Variants in PRKAR1B observed in about 807,000 individuals in gnomAD.
PRKAR1B encodes protein kinase cAMP-dependent type I regulatory subunit beta.
Under a neutral mutation model 46.5 loss-of-function variants are expected in PRKAR1B, and 22 were observed. That is an observed-to-expected ratio of 0.47 (90% CI 0.34 to 0.68). The LOEUF (loss-of-function observed/expected upper bound fraction) is 0.68. PRKAR1B is among the 30% of genes least tolerant of loss of function. The pLI is 0.01. For missense variants in PRKAR1B, 445 were observed against 535.6 expected (o/e 0.83, Z 1.67); for synonymous variants, 259 against 217.7 (o/e 1.19, Z -1.67).
At chr7:710,810 A>C (rs186528965) in intron 2 of PRKAR1B, among the ~76,000 whole-genome samples, 121 of 151,848 alleles carry the variant, frequency 8.0e-4, no homozygotes, top group Admixed American at 2.2e-3. Flanking sequence ...CACCCAACTA[A>C]TTTTTGTATT....
In PRKAR1B at chr7:577,222, A is replaced by G. The variant is rs902272685; in HGVS notation, c.891+2034T>C. Among the ~76,000 whole-genome samples, 12 of 152,238 alleles carry G rather than the reference A, an allele frequency of 7.9e-5. 1 individual carries two copies. Among genetic ancestry groups the G allele is most frequent in the Admixed American group, 7.2e-4 (11 of 15,284 alleles). ...CCCGAATTTGCCGAAGTTGCCAAAC[A>G]TCCACTGGGACTTGAGCTCTTTGCT... On this transcript the variant is annotated intron_variant, in intron 9 of 10. Coordinates refer to ENST00000537384, the MANE Select transcript of PRKAR1B (RefSeq NM_001164760.2).
In PRKAR1B at chr7:611,154, G is replaced by A. The variant is rs552471323; in HGVS notation, c.441-3702C>T. ...ACCCAAGGTCAAGAAGCCAGGAAGA[G>A]GTGAAGTCAGGCTGAAGCCCCTATC... On this transcript the variant is annotated intron_variant, in intron 4 of 10. Coordinates refer to ENST00000537384, the MANE Select transcript of PRKAR1B (RefSeq NM_001164760.2). 1.4e-4 allele frequency among the ~76,000 whole-genome samples: 22 copies of A among 152,380 alleles called. No homozygotes were observed. In the East Asian group the frequency reaches 2.3e-3, roughly 16 times the overall value.
At chr7:673,648 C>CAA (rs35930924) in intron 4 of PRKAR1B, among the ~76,000 whole-genome samples, 11 of 131,570 alleles carry the variant, frequency 8.4e-5, no homozygotes, top group African/African-American at 2.2e-4. Context: ...GACTCCATCT[C>CAA]AAAAAAAAAA....
chr7:621,955 T>C (rs1290342464), intron 4 of PRKAR1B, among the ~76,000 whole-genome samples: 2 of 152,142 alleles, frequency 1.3e-5, no homozygotes, highest in Non-Finnish European at 1.5e-5. Context: ...GCTAGAAGGG[T>C]CACACATGTC....
chr7:567,433 TCATCATCACCATCACCTC>T (rs1175145548), intron 9 of PRKAR1B, among the ~76,000 whole-genome samples: 1 of 110,328 alleles, frequency 9.1e-6, no homozygotes, highest in Non-Finnish European at 2.1e-5. Flanking sequence ...ATCATCACCA[TCATCATCACCATCACCTC>T]CATCATCACT....
rs527798633 is a variant in PRKAR1B at position 578,471 on chromosome 7, G to A, written c.891+785C>T. ...TTAAACTTTTAATTTTGCCATCATC[G>A]TACATTTGAGTGCGGTTGTTAGAAA... On this transcript the variant is annotated intron_variant, in intron 9 of 10. Coordinates refer to ENST00000537384, the MANE Select transcript of PRKAR1B (RefSeq NM_001164760.2). Among the ~76,000 whole-genome samples the A allele has an allele frequency of 2.5e-4, 38 of 152,240 alleles. No individual in the cohort carries two copies. In the South Asian group the frequency reaches 7.5e-3, roughly 30 times the overall value.
chr7:618,029 C>T (rs1164111304), intron 4 of PRKAR1B, among the ~76,000 whole-genome samples: 2 of 151,910 alleles, frequency 1.3e-5, no homozygotes, highest in African/African-American at 2.4e-5. Context: ...CCGCCTGGGA[C>T]CCCCTCACCG....
intron 9 of PRKAR1B, chr7:565,488 C>T (rs1006381157): frequency 1.3e-5 from 2 of 152,280 alleles, no homozygotes; most frequent in African/African-American, 4.8e-5. Context: ...GCTCCTTGGA[C>T]ACTGCCCATC....
At chr7:639,283 A>G (rs1383521722) in intron 4 of PRKAR1B, among the ~76,000 whole-genome samples, 1 of 152,188 alleles carries the variant, frequency 6.6e-6, no homozygotes, top group Non-Finnish European at 1.5e-5. Flanking sequence ...CCACCCTTAC[A>G]TTTGTGGTCA....
intron 4 of PRKAR1B, among the ~76,000 whole-genome samples, chr7:646,287 T>C (rs547787017): frequency 6.6e-6 from 1 of 152,312 alleles, no homozygotes; most frequent in African/African-American, 2.4e-5. Context: ...CAAGCGATCC[T>C]CCCGCCTTGG....
In PRKAR1B at chr7:711,597, G is replaced by A. The variant is rs554460946; in HGVS notation, c.-22-70C>T. The stretch of plus-strand genomic sequence containing the variant: ...GGCTGCGCGCCGGATAAACGCAGGC[G>A]GCGTGAACCAGGCTTCTCCCAGGAG... On this transcript the variant is annotated intron_variant, in intron 1 of 10. Transcript: ENST00000537384. 27 of 1,383,786 alleles carry A rather than the reference G, an allele frequency of 2.0e-5. No homozygotes were observed. In the South Asian group the frequency reaches 3.1e-4, roughly 16 times the overall value. 85.7% of individuals were successfully genotyped at this position (1,383,786 alleles called of 1,614,324 possible).
intron 2 of PRKAR1B, among the ~76,000 whole-genome samples, chr7:703,744 C>G (rs150926593): frequency 2.6e-4 from 40 of 151,448 alleles, no homozygotes; most frequent in African/African-American, 9.0e-4. Context: ...ATTTCCAGAA[C>G]ACAGCACCCA....
chr7:591,169 G>C (rs572646096), intron 7 of PRKAR1B, among the ~76,000 whole-genome samples: 79 of 152,366 alleles, frequency 5.2e-4, no homozygotes, highest in African/African-American at 1.8e-3. Context: ...GCTGCCAGGG[G>C]CCCCCGGGGG....
At chr7:668,715 G>A (rs534979675) in intron 4 of PRKAR1B, among the ~76,000 whole-genome samples, 1 of 152,294 alleles carries the variant, frequency 6.6e-6, no homozygotes, top group Admixed American at 6.5e-5. Flanking sequence ...ATAAACAGCT[G>A]GGATGGCCCA....
At chr7:703,048 A>G (rs1216689392) in intron 2 of PRKAR1B, among the ~76,000 whole-genome samples, 3 of 152,168 alleles carry the variant, frequency 2.0e-5, no homozygotes, top group African/African-American at 7.2e-5. Context: ...CTTTACTGAT[A>G]TAGCTAAAAT....
chr7:571,814 G>T (rs971028518), intron 9 of PRKAR1B, among the ~76,000 whole-genome samples: 1 of 152,190 alleles, frequency 6.6e-6, no homozygotes, highest in Non-Finnish European at 1.5e-5. Context: ...AGCCCCGGCC[G>T]AATGCCGCTC....
Position 607,395 on chromosome 7 carries a change from C to G in PRKAR1B, c.498G>C (p.Gln166His). The G allele has an allele frequency of 6.2e-7, 1 of 1,613,640 alleles. No homozygotes were observed. Among genetic ancestry groups the G allele is most frequent in the Non-Finnish European group, 8.5e-7 (1 of 1,179,610 alleles). ...VTHIAGETVIQQGNEGDNFYV... is the reference protein window; with the variant it reads ...VTHIAGETVIHQGNEGDNFYV... ...CGAGGAGCAGGCAGAACGTACCTTG[C>G]TGTATAACAGTCTCCCCAGCGATGT... Residue 166 changes from glutamine (Q) to histidine (H), a missense_variant, in exon 5 of 11, where the codon CAG (glutamine) becomes CAC (histidine). Gln to His is a conservative substitution (Grantham distance 24, BLOSUM62 0). Around this residue, in one of 5 missense-constraint regions of PRKAR1B, gnomAD observed 94 missense variants for 126.9 expected, o/e 0.74. Transcript: ENST00000537384.
chr7:580,639 C>T (rs1453740415), intron 8 of PRKAR1B, among the ~76,000 whole-genome samples: 1 of 151,774 alleles, frequency 6.6e-6, no homozygotes, highest in African/African-American at 2.4e-5. Flanking sequence ...AAGGTCTTCC[C>T]TTCCCTGTCT....
intron 4 of PRKAR1B, among the ~76,000 whole-genome samples, chr7:674,265 CCCAGCTACTCTAGTCACAT>C (rs1050946833): frequency 6.6e-6 from 1 of 151,360 alleles, no homozygotes; most frequent in Admixed American, 6.6e-5. Context: ...TCCAGCCACA[CCCAGCTACTCTAGTCACAT>C]CCAGCTACTC....
Sources: allele counts gnomAD v4.1 joint callset (sites outside exome capture counted in the v4.1 genomes callset), GRCh38; gene constraint gnomAD v4.1.1; regional missense constraint gnomAD v4.1.1; transcripts MANE v1.5; gene names NCBI Gene and HGNC (gene_info 2026-07-23, HGNC 2026-07-21).